The following DOK4 variants were observed in gnomAD, a reference collection of about 807,000 sequenced individuals.
The protein encoded by DOK4 is docking protein 4.
Under a neutral mutation model 40.1 loss-of-function variants are expected in DOK4, and 26 were observed. The observed-to-expected ratio is 0.65, with a 90% CI of 0.48 to 0.90. The LOEUF (loss-of-function observed/expected upper bound fraction) is 0.90. Ranked by LOEUF, DOK4 falls within the 40% of genes least tolerant of loss-of-function variation. DOK4 has a pLI of 0.00. For synonymous variants in DOK4, 179 were observed against 177.0 expected (o/e 1.01, Z -0.09); for missense variants, 392 against 437.2 (o/e 0.90, Z 0.92).
chr16:57,479,852 C>T lies in DOK4; in HGVS notation c.-181-164G>A, dbSNP rs547505667. The T allele has an allele frequency of 9.5e-4, 223 of 233,626 alleles. 1 individual carries two copies. The highest frequency in any genetic ancestry group is 4.8e-3 in the African/African-American group (210 of 43,726). 14.5% of individuals were successfully genotyped at this position (233,626 alleles called of 1,614,324 possible). On this transcript the variant is annotated intron_variant, in intron 1 of 8. Coordinates refer to ENST00000340099, the Ensembl canonical transcript of DOK4. The surrounding 1 kb of genome is among the most constrained non-coding windows in gnomAD (Gnocchi z 5.8). ...CTTCCCTTCCCTCCCCACCCCAGGACGACAGAACCATTCAGGAAAACCGAG... is the reference window on the plus strand; with the variant it reads ...CTTCCCTTCCCTCCCCACCCCAGGATGACAGAACCATTCAGGAAAACCGAG...
chr16:57,473,456 T>A (rs576430195), exon 9 of DOK4: 3 of 1,614,042 alleles, frequency 1.9e-6, no homozygotes, highest in African/African-American at 2.7e-5. Flanking sequence ...GTTGAGGAGG[T>A]CTGTTTCCGA....
chr16:57,475,168 G>T (rs1439341866), exon 5 of DOK4: 1 of 1,614,016 alleles, frequency 6.2e-7, no homozygotes, highest in Non-Finnish European at 8.5e-7. Context: ...GTTGAGGCGG[G>T]ACCCCAGACA....
intron 2 of DOK4, among the ~76,000 whole-genome samples, chr16:57,478,022 G>A (rs1399287730): frequency 2.0e-5 from 3 of 152,224 alleles, no homozygotes; most frequent in Non-Finnish European, 4.4e-5. Flanking sequence ...CTCTGCCCTG[G>A]GCAAGGCCTC....
Position 57,479,381 on chromosome 16 carries a change from G to T in DOK4, c.66+61C>A. The stretch of plus-strand genomic sequence containing the variant: ...CCCACGCGCCATGCCTCCAAGCCTG[G>T]GACCGAGTCCTCGGGCCCCCATCCC... On this transcript the variant is annotated intron_variant, in intron 2 of 8. Transcript: ENST00000340099. This position sits in a 1 kb window ranked among gnomAD's most constrained non-coding sequence, Gnocchi z 5.8. 6.3e-7 allele frequency: 1 copy of T among 1,592,074 alleles called. No homozygotes were observed. The highest frequency in any genetic ancestry group is 8.6e-7 in the Non-Finnish European group (1 of 1,165,506).
chr16:57,474,592 C>T (rs1336042096), intron 6 of DOK4: 7 of 687,696 alleles, frequency 1.0e-5, no homozygotes, highest in Non-Finnish European at 1.7e-5. Context: ...AATAGCTTCA[C>T]TTGACCTGCA....
chr16:57,479,495 A>T lies in DOK4; in HGVS notation c.13T>A (p.Phe5Ile). Residue 5 changes from phenylalanine (F) to isoleucine (I), a missense_variant, in exon 2 of 9, where the codon TTC becomes ATC. Transcript: ENST00000340099. This position sits in a 1 kb window ranked among gnomAD's most constrained non-coding sequence, Gnocchi z 5.8. ...TAGCCTTGCTTGACGATGTCACTGA[A>T]ATTGGTCGCCATGGTTTTCCCACCT... The T allele has an allele frequency of 1.2e-6, 2 of 1,613,426 alleles. No individual in the cohort carries two copies. Among genetic ancestry groups the T allele is most frequent in the Non-Finnish European group, 1.7e-6 (2 of 1,179,790 alleles).
intron 8 of DOK4, 22 bp from the exon 9 acceptor site, chr16:57,473,517 CAG>C: frequency 6.2e-7 from 1 of 1,614,192 alleles, no homozygotes; most frequent in African/African-American, 1.3e-5. Flanking sequence ...GAAGCAGGCT[CAG>C]AACTCAGAGC....
At position 57,485,851 on chromosome 16, in the gene DOK4, C is replaced by A. The variant is rs565963897; in HGVS notation, c.-182+454G>T. Among the ~76,000 whole-genome samples the A allele has an allele frequency of 3.3e-5, 5 of 152,230 alleles. No homozygotes were observed. The highest frequency in any genetic ancestry group is 3.3e-4 in the Admixed American group (5 of 15,304). Reference sequence around the variant, plus strand: ...AACCCCATAGGCAGGAGGGGGTCGGCAGTGGGGGCCAGCTGGGGTACAGAA... The same window carrying A: ...AACCCCATAGGCAGGAGGGGGTCGGAAGTGGGGGCCAGCTGGGGTACAGAA... On this transcript the variant is annotated intron_variant, in intron 1 of 8. Coordinates refer to ENST00000340099, the Ensembl canonical transcript of DOK4. This position sits in a 1 kb window ranked among gnomAD's most constrained non-coding sequence, Gnocchi z 4.3.
chr16:57,475,322 A>G (rs1416298830), intron 4 of DOK4, 103 bp from the exon 5 acceptor site: 1 of 1,540,002 alleles, frequency 6.5e-7, no homozygotes, highest in African/African-American at 1.4e-5. Context: ...GGGTAAGGAC[A>G]GTGGGTTCTG....
At chr16:57,475,559 G>C (rs940112984) in exon 4 of DOK4, 2 of 1,609,954 alleles carry the variant, frequency 1.2e-6, no homozygotes, top group Admixed American at 1.7e-5. Context: ...GATGGCCACC[G>C]CCTGCCGCTT....
chr16:57,473,089 G>T, exon 9 of DOK4: 1 of 391,624 alleles, frequency 2.6e-6, no homozygotes, highest in Non-Finnish European at 4.6e-6. Context: ...GGGAAGGATG[G>T]GGTGAGGGTG....
intron 1 of DOK4, chr16:57,484,059 G>A (rs1598058253): frequency 1.3e-5 from 2 of 152,366 alleles, no homozygotes; most frequent in East Asian, 3.9e-4. Context: ...GCGGGGAGTA[G>A]GGAGACTCCC....
exon 7 of DOK4, chr16:57,473,930 C>G (rs760694256): frequency 2.5e-6 from 4 of 1,610,972 alleles, no homozygotes; most frequent in Non-Finnish European, 3.4e-6. Flanking sequence ...TCCAGCAGGA[C>G]CCGCTTGTGC....
chr16:57,475,688 CT>C (rs1567588903), intron 3 of DOK4, 68 bp from the exon 4 acceptor site: 197 of 878,032 alleles, frequency 2.2e-4, no homozygotes, highest in Middle Eastern at 3.3e-4. Flanking sequence ...CTCTCTCTCT[CT>C]CTCTCTCCCT....
At chr16:57,474,565 G>A (rs746904373) in intron 6 of DOK4, 26 of 603,990 alleles carry the variant, frequency 4.3e-5, no homozygotes, top group Admixed American at 9.3e-5. Flanking sequence ...AGCCAAAGTA[G>A]TATATGATTT....
intron 4 of DOK4, 106 bp downstream of exon 4, chr16:57,475,400 A>G (rs2031101544): frequency 7.3e-7 from 1 of 1,363,190 alleles, no homozygotes. Context: ...CACACACCAC[A>G]CCACCATCTC....
exon 9 of DOK4, chr16:57,473,480 G>C: frequency 6.2e-7 from 1 of 1,614,208 alleles, no homozygotes; most frequent in South Asian, 1.1e-5. Flanking sequence ...GGCCTGGGCT[G>C]CCCCATACCC....
chr16:57,483,524 G>A (rs1287474201), intron 1 of DOK4, among the ~76,000 whole-genome samples: 2 of 152,176 alleles, frequency 1.3e-5, no homozygotes, highest in Non-Finnish European at 2.9e-5. Flanking sequence ...CAGCTACTGG[G>A]GAGGCCGAGG....
At position 57,485,562 on chromosome 16, in the gene DOK4, C is replaced by T. The variant is rs1355523844; in HGVS notation, c.-182+743G>A. On this transcript the variant is annotated intron_variant, in intron 1 of 8. Transcript: ENST00000340099. This position sits in a 1 kb window ranked among gnomAD's most constrained non-coding sequence, Gnocchi z 4.3. ...TGCCCTGGCCATCAGACCCCTCCAA[C>T]CCACACCCTCCATCCAAGCGGAAGC... is the stretch of plus-strand genomic sequence containing the variant. Among the ~76,000 whole-genome samples the T allele has an allele frequency of 1.3e-5, 2 of 152,200 alleles. No individual in the cohort carries two copies. The highest frequency in any genetic ancestry group is 6.5e-5 in the Admixed American group (1 of 15,288).
Sources: allele counts gnomAD v4.1 joint callset (sites outside exome capture counted in the v4.1 genomes callset), GRCh38; gene constraint gnomAD v4.1.1; non-coding constraint Gnocchi (gnomAD v3.1); transcripts MANE v1.5; gene names NCBI Gene and HGNC (gene_info 2026-07-23, HGNC 2026-07-21).